Variants in HIP1 observed in about 807,000 individuals in gnomAD.
The protein encoded by HIP1 is huntingtin interacting protein 1.
Under a neutral mutation model 147.6 loss-of-function variants are expected in HIP1, and 65 were observed. The ratio of observed to expected loss-of-function variants is 0.44; its 90% CI spans 0.36 to 0.54. HIP1 has a LOEUF of 0.54. HIP1 is among the 20% of genes least tolerant of loss of function. The pLI, the probability that HIP1 is intolerant of heterozygous loss-of-function variation, is 0.00. For missense variants in HIP1, 1,061 were observed against 1,299.6 expected (o/e 0.82, Z 2.82); for synonymous variants, 479 against 504.0 (o/e 0.95, Z 0.67).
chr7:75,590,415 T>C (rs976435710), intron 4 of HIP1, among the ~76,000 whole-genome samples: 8 of 150,578 alleles, frequency 5.3e-5, no homozygotes, highest in Admixed American at 1.3e-4. Flanking sequence ...CAAATAGTAA[T>C]GAGGAAAAAA....
rs113598700 is a variant in HIP1, at chr7:75,556,882, G to A, written c.1582-71C>T. The A allele has an allele frequency of 2.0e-3, 1,871 of 937,398 alleles. 24 individuals carry two copies. In the African/African-American group the frequency reaches 0.026, roughly 13 times the overall value. The allele number at this position is 937,398 out of a possible 1,614,324, so 58.1% of individuals were successfully genotyped here. A position where few individuals can be genotyped will look rare whatever the true frequency, so the allele number is the denominator to read the frequency against. On this transcript the variant is annotated intron_variant, in intron 16 of 30. Coordinates refer to ENST00000336926, the MANE Select transcript of HIP1 (RefSeq NM_005338.7). ...ACAAAGAATATAAAAATGTAAAAAC[G>A]TCCCAAGCGATCAACAAGAGATCTG...
chr7:75,697,534 C>T (rs1325886199), intron 1 of HIP1, among the ~76,000 whole-genome samples: 1 of 152,116 alleles, frequency 6.6e-6, no homozygotes, highest in Non-Finnish European at 1.5e-5. Flanking sequence ...ATTTATTCTT[C>T]CAGATAAATG....
chr7:75,600,122 T>C (rs1554502721), intron 1 of HIP1, among the ~76,000 whole-genome samples: 1 of 150,874 alleles, frequency 6.6e-6, no homozygotes, highest in Admixed American at 6.6e-5. Context: ...CTTGTTTTTT[T>C]CTCTTTTGAG....
chr7:75,573,159 T>C (rs587675207), intron 8 of HIP1, among the ~76,000 whole-genome samples: 1 of 152,140 alleles, frequency 6.6e-6, no homozygotes, highest in Admixed American at 6.5e-5. Context: ...CTGAGGCCCA[T>C]AAAAGGCCTG....
rs1487863903 is a variant in HIP1 at position 75,706,640 on chromosome 7, TTTTTA to T, written c.120+32156_120+32160del. The stretch of plus-strand genomic sequence containing the variant: ...AACTCGTCATTTTTTTTTTTTTTTT[TTTTTA>T]TTATACTCTAAGTTTTAGGGTACAT... On this transcript the variant is annotated intron_variant, in intron 1 of 30. Transcript: ENST00000336926. 5.3e-3 allele frequency among the ~76,000 whole-genome samples: 737 copies of T among 140,196 alleles called. 14 individuals are homozygous for T. The South Asian group carries it at 0.053, about 10-fold the overall frequency. 92.0% of individuals were successfully genotyped at this position (140,196 alleles called of 152,430 possible).
chr7:75,730,518 T>C (rs1554522901), intron 1 of HIP1, among the ~76,000 whole-genome samples: 2 of 151,540 alleles, frequency 1.3e-5, no homozygotes, highest in African/African-American at 2.4e-5. Flanking sequence ...TTTGTATTTT[T>C]ACCAGAGACA....
intron 18 of HIP1, 129 bp downstream of exon 18, chr7:75,555,897 T>C: frequency 8.9e-7 from 1 of 1,119,158 alleles, no homozygotes; most frequent in East Asian, 2.4e-5. Flanking sequence ...CTACAGAATG[T>C]CTGCACAATC....
In HIP1 at chr7:75,556,766, C is replaced by G. The variant is rs1554493445; in HGVS notation, c.1627G>C (p.Ala543Pro). The G allele has an allele frequency of 1.2e-6, 2 of 1,612,900 alleles. No individual in the cohort carries two copies. Among genetic ancestry groups the G allele is most frequent in the Non-Finnish European group, 1.7e-6 (2 of 1,179,402 alleles). Reference protein sequence around the residue: ...EVLESLKQELATSQRELQVLQ... With the variant: ...EVLESLKQELPTSQRELQVLQ... The stretch of plus-strand genomic sequence containing the variant: ...ACCTGAAGCTCCCGTTGGCTTGTGG[C>G]AAGTTCCTGCTTCAAGCTCTCTAGA... Residue 543 changes from alanine (A) to proline (P), a missense_variant, in exon 17 of 31, where the codon GCC becomes CCC. Around this residue, in one of 3 missense-constraint regions of HIP1, gnomAD observed 810 missense variants for 946.8 expected, o/e 0.86. Coordinates refer to ENST00000336926, the MANE Select transcript of HIP1 (RefSeq NM_005338.7).
chr7:75,652,221 G>C (rs1799017775), intron 1 of HIP1, among the ~76,000 whole-genome samples: 1 of 150,036 alleles, frequency 6.7e-6, no homozygotes, highest in Non-Finnish European at 1.5e-5. Flanking sequence ...GGAGGCTGAG[G>C]CAGGAGAATC....
intron 1 of HIP1, among the ~76,000 whole-genome samples, chr7:75,624,854 T>C (rs1179622): frequency 0.46 from 70,493 of 151,968 alleles, 16,883 homozygotes; most frequent in African/African-American, 0.58. Context: ...TTCAGATAGT[T>C]ATGATTTTAT....
At chr7:75,598,417 A>C (rs1408830184) in intron 2 of HIP1, among the ~76,000 whole-genome samples, 1 of 141,422 alleles carries the variant, frequency 7.1e-6, no homozygotes, top group African/African-American at 2.6e-5. Flanking sequence ...AAAAAAAAAA[A>C]CTCTCTTTTT....
intron 1 of HIP1, among the ~76,000 whole-genome samples, chr7:75,680,125 C>T (rs1800015895): frequency 6.6e-6 from 1 of 152,158 alleles, no homozygotes; most frequent in Non-Finnish European, 1.5e-5. Flanking sequence ...TCACTGTAAC[C>T]TCTACCTCCT....
chr7:75,583,756 TTGTGTGTGTGTGTG>T (rs60640180), intron 5 of HIP1, among the ~76,000 whole-genome samples: 79 of 115,516 alleles, frequency 6.8e-4, no homozygotes, highest in Middle Eastern at 4.2e-3. Flanking sequence ...GCGGGCTAAT[TTGTGTGTGTGTGTG>T]TGTGTGTGTG....
intron 2 of HIP1, among the ~76,000 whole-genome samples, chr7:75,594,503 T>C (rs79506634): frequency 3.0e-4 from 45 of 152,008 alleles, no homozygotes; most frequent in Non-Finnish European, 4.9e-4. Context: ...GGGTTGGGCG[T>C]GGTGGCTCAC....
At chr7:75,542,584 A>C (rs1173381817) in intron 28 of HIP1, among the ~76,000 whole-genome samples, 1 of 151,936 alleles carries the variant, frequency 6.6e-6, no homozygotes, top group Non-Finnish European at 1.5e-5. Flanking sequence ...CTGTAATCCT[A>C]GCTACTCGGG....
rs1491222062 is a variant in HIP1 at position 75,716,825 on chromosome 7, T to TG, written c.120+21975_120+21976insC. Among the ~76,000 whole-genome samples the TG allele has an allele frequency of 8.2e-3, 1,097 of 134,170 alleles. 10 individuals carry two copies. The highest frequency in any genetic ancestry group is 0.035 in the African/African-American group (985 of 28,394). 88.0% of individuals were successfully genotyped at this position (134,170 alleles called of 152,430 possible). The stretch of plus-strand genomic sequence containing the variant: ...TAAACCACCACGCCCAGCTTTTTTT[T>TG]AGGGGGGGGGAAAGGATCTCACTCT... On this transcript the variant is annotated intron_variant, in intron 1 of 30. Transcript: ENST00000336926.
chr7:75,727,977 A>C (rs1249216449), intron 1 of HIP1, among the ~76,000 whole-genome samples: 19 of 152,282 alleles, frequency 1.2e-4, no homozygotes, highest in Admixed American at 1.0e-3. Flanking sequence ...GGGGCCAGAC[A>C]AGCCAGGTTC....
chr7:75,681,745 G>A (rs559140291), intron 1 of HIP1, among the ~76,000 whole-genome samples: 26 of 151,570 alleles, frequency 1.7e-4, no homozygotes, highest in South Asian at 1.0e-3. Context: ...GGCCTTAAGC[G>A]ATTCTCCCAC....
intron 1 of HIP1, among the ~76,000 whole-genome samples, chr7:75,730,420 AC>A (rs1343305312): frequency 6.6e-6 from 1 of 151,482 alleles, no homozygotes; most frequent in Non-Finnish European, 1.5e-5. Context: ...GCTCACTGCA[AC>A]CTCTGCCTCC....
Sources: allele counts gnomAD v4.1 joint callset (sites outside exome capture counted in the v4.1 genomes callset), GRCh38; gene constraint gnomAD v4.1.1; regional missense constraint gnomAD v4.1.1; transcripts MANE v1.5; gene names NCBI Gene and HGNC (gene_info 2026-07-23, HGNC 2026-07-21).